Variants in NBEA observed in about 807,000 individuals in gnomAD.
NBEA encodes lysosomal-trafficking regulator 2.
NBEA carries 44 observed loss-of-function variants against 343.4 expected under a neutral mutation model. That is an observed-to-expected ratio of 0.13 (90% CI 0.10 to 0.16). The LOEUF (loss-of-function observed/expected upper bound fraction) is 0.16, where lower values mean the gene tolerates loss of function less well. Among genes scored for constraint, NBEA ranks in the 10% least tolerant of loss-of-function variants. NBEA has a pLI of 1.00. For synonymous variants in NBEA, 1,175 were observed against 1,238.7 expected (o/e 0.95, Z 1.08); for missense variants, 2,555 against 3,631.3 (o/e 0.70, Z 7.62).
intron 17 of NBEA, among the ~76,000 whole-genome samples, chr13:35,133,259 C>T (rs1593455333): frequency 6.6e-6 from 1 of 152,020 alleles, no homozygotes; most frequent in South Asian, 2.1e-4. Context: ...GGGTGATATA[C>T]TCAACTTCAG....
chr13:35,290,498 G>A (rs746260309), intron 35 of NBEA, 48 bp downstream of exon 35: 10 of 1,327,940 alleles, frequency 7.5e-6, no homozygotes, highest in Admixed American at 5.3e-5. Context: ...AGGGTTTTTT[G>A]TGACTAATAA....
intron 36 of NBEA, among the ~76,000 whole-genome samples, chr13:35,329,473 A>G (rs188671575): frequency 2.0e-5 from 3 of 152,116 alleles, no homozygotes; most frequent in Admixed American, 2.0e-4. Flanking sequence ...GTTACTCATT[A>G]TCATCCATCA....
chr13:35,665,236 T>C lies in NBEA; in HGVS notation c.8464+50T>C, dbSNP rs1416023332. On this transcript the variant is annotated intron_variant, in intron 56 of 58. Transcript: ENST00000379939. ...CAATGTCTAGAAGATGACTGTTTTCTCACACTAAGCGTGATTGTCAGTTTA... is the reference window on the plus strand; with the variant it reads ...CAATGTCTAGAAGATGACTGTTTTCCCACACTAAGCGTGATTGTCAGTTTA... The C allele has an allele frequency of 7.1e-6, 10 of 1,410,190 alleles. No homozygotes were observed. The African/African-American group carries it at 9.9e-5, about 14-fold the overall frequency. The allele number at this position is 1,410,190 out of a possible 1,614,324, so 87.4% of individuals were successfully genotyped here. A position where few individuals can be genotyped will look rare whatever the true frequency, so the allele number is the denominator to read the frequency against.
chr13:35,216,417 C>T (rs1342451697), intron 33 of NBEA, among the ~76,000 whole-genome samples: 5 of 151,874 alleles, frequency 3.3e-5, no homozygotes, highest in Non-Finnish European at 7.4e-5. Flanking sequence ...GGAACAGAGA[C>T]GATATGGCCT....
intron 36 of NBEA, among the ~76,000 whole-genome samples, chr13:35,320,966 C>T (rs2038096764): frequency 6.6e-6 from 1 of 151,992 alleles, no homozygotes; most frequent in East Asian, 1.9e-4. Context: ...CTTCCCTAAA[C>T]CGGTTATTCT....
chr13:34,978,518 A>G (rs1008139091), intron 1 of NBEA, among the ~76,000 whole-genome samples: 1 of 152,174 alleles, frequency 6.6e-6, no homozygotes, highest in Non-Finnish European at 1.5e-5. Context: ...AAAACATCTA[A>G]TATTCTGTGA....
intron 31 of NBEA, among the ~76,000 whole-genome samples, chr13:35,196,585 G>T (rs1475982771): frequency 2.4e-4 from 36 of 152,020 alleles, no homozygotes; most frequent in Admixed American, 2.2e-3. Flanking sequence ...GTACATCGGG[G>T]TGTTATTTTT....
intron 1 of NBEA, among the ~76,000 whole-genome samples, chr13:35,031,443 T>G (rs1299959865): frequency 6.6e-6 from 1 of 151,678 alleles, no homozygotes; most frequent in African/African-American, 2.4e-5. Flanking sequence ...AACATAAGAC[T>G]TAAGCTTGCT....
chr13:35,619,448 C>T (rs1266150380), intron 48 of NBEA, among the ~76,000 whole-genome samples: 1 of 152,206 alleles, frequency 6.6e-6, no homozygotes, highest in East Asian at 1.9e-4. Flanking sequence ...AGCAGAACTG[C>T]AACCGCTTGC....
At chr13:35,301,548 G>A (rs1006588008) in intron 35 of NBEA, among the ~76,000 whole-genome samples, 8 of 152,186 alleles carry the variant, frequency 5.3e-5, no homozygotes, top group South Asian at 4.2e-4. Context: ...ATAGTATTCC[G>A]TGGTGTATAT....
intron 38 of NBEA, among the ~76,000 whole-genome samples, chr13:35,393,295 A>T (rs564101858): frequency 1.3e-5 from 2 of 152,296 alleles, no homozygotes; most frequent in East Asian, 3.9e-4. Flanking sequence ...AACTAAATGT[A>T]AAATTGTAGA....
intron 10 of NBEA, among the ~76,000 whole-genome samples, chr13:35,080,295 G>A (rs2064323298): frequency 6.6e-6 from 1 of 151,990 alleles, no homozygotes; most frequent in Non-Finnish European, 1.5e-5. Flanking sequence ...GTGGCCTATG[G>A]GTGCCTATTA....
intron 51 of NBEA, 91 bp downstream of exon 51, chr13:35,646,439 A>C: frequency 2.2e-6 from 2 of 915,002 alleles, no homozygotes; most frequent in Non-Finnish European, 3.5e-6. Flanking sequence ...AGCATATTTT[A>C]AAAGGCTTCT....
chr13:35,226,650 A>G (rs541507680), intron 33 of NBEA, among the ~76,000 whole-genome samples: 1 of 150,560 alleles, frequency 6.6e-6, no homozygotes, highest in East Asian at 1.9e-4. Context: ...ATTTAATTTA[A>G]GTGATTGACT....
At chr13:35,462,265 A>G (rs1200755941) in intron 40 of NBEA, among the ~76,000 whole-genome samples, 2 of 152,246 alleles carry the variant, frequency 1.3e-5, no homozygotes. Context: ...AGATAATGAA[A>G]AAAATAGTTA....
At chr13:35,250,332 A>G (rs2031803473) in intron 34 of NBEA, among the ~76,000 whole-genome samples, 1 of 152,184 alleles carries the variant, frequency 6.6e-6, no homozygotes, top group African/African-American at 2.4e-5. Flanking sequence ...CTACCAATGA[A>G]TAAGAAAAGC....
intron 1 of NBEA, among the ~76,000 whole-genome samples, 187 bp downstream of exon 1, chr13:34,943,301 C>T (rs1352952348): frequency 6.6e-6 from 1 of 152,124 alleles, no homozygotes; most frequent in Non-Finnish European, 1.5e-5. Context: ...CCACCTCCCT[C>T]CTCTCCTCTT....
chr13:35,239,196 A>C (rs1159823494), intron 34 of NBEA, among the ~76,000 whole-genome samples: 2 of 152,112 alleles, frequency 1.3e-5, no homozygotes, highest in African/African-American at 4.8e-5. Context: ...AAGAACAATG[A>C]ATGGACATTT....
intron 30 of NBEA, among the ~76,000 whole-genome samples, chr13:35,189,765 C>CT (rs113322637): frequency 6.6e-6 from 1 of 151,938 alleles, no homozygotes; most frequent in Non-Finnish European, 1.5e-5. Flanking sequence ...CAAAATACTA[C>CT]TTTTTTTATG....
Sources: gnomAD v4.1 joint callset for allele counts (sites outside exome capture counted in the v4.1 genomes callset) on GRCh38, gnomAD v4.1.1 for gene constraint, MANE v1.5 for transcripts, NCBI Gene and HGNC (gene_info 2026-07-23, HGNC 2026-07-21) for gene names.